DTD1: variants seen among roughly 807,000 people sequenced by gnomAD.
DTD1 encodes D-tyrosyl-tRNA deacylase 1 homolog.
A neutral mutation model predicts 25.6 loss-of-function variants in DTD1; 13 were observed. The observed-to-expected ratio is 0.51, with a 90% confidence interval of 0.33 to 0.81. The LOEUF is 0.81. Among genes scored for constraint, DTD1 ranks in the 30% least tolerant of loss-of-function variants. DTD1 has a pLI of 0.02. For synonymous variants in DTD1, 110 were observed against 103.6 expected, an observed-to-expected ratio of 1.06 and a Z score of -0.37; for missense variants, 193 against 266.4, an observed-to-expected ratio of 0.72 and a Z score of 1.92.
At chr20:18,706,561 G>A (rs2061127182) in intron 4 of DTD1, among the ~76,000 whole-genome samples, 1 of 152,104 alleles carries the variant, frequency 6.6e-6, no homozygotes, top group South Asian at 2.1e-4. Flanking sequence ...AAGGCAAATT[G>A]GGCCTTCTTT....
intron 4 of DTD1, among the ~76,000 whole-genome samples, chr20:18,708,608 G>A (rs1006634411): frequency 6.6e-6 from 1 of 151,060 alleles, no homozygotes; most frequent in East Asian, 2.0e-4. Context: ...TGCCCGCCTC[G>A]GCCTCCCAAA....
In DTD1 at chr20:18,708,276, TAA is replaced by T. The variant is rs1568676900; in HGVS notation, c.478-35823_478-35822del. Reference sequence around the variant, plus strand: ...ATTATATATATATTTTATATATATATAATATATATTATATATATATAATATAT... The same window carrying T: ...ATTATATATATATTTTATATATATATTATATATTATATATATATAATATAT... On this transcript the variant is annotated intron_variant, in intron 4 of 5. Transcript: ENST00000377452. Among the ~76,000 whole-genome samples, 124 of 13,064 alleles carry T rather than the reference TAA, an allele frequency of 9.5e-3. 6 individuals are homozygous for T. The highest frequency in any genetic ancestry group is 0.015 in the South Asian group (7 of 468). The allele number at this position is 13,064 out of a possible 152,430, so 8.6% of individuals were successfully genotyped here.
chr20:18,640,026 C>G (rs2060822540), intron 4 of DTD1, among the ~76,000 whole-genome samples: 1 of 150,798 alleles, frequency 6.6e-6, no homozygotes, highest in South Asian at 2.1e-4. Flanking sequence ...GAAATCCAGA[C>G]CAGATCTGGC....
intron 4 of DTD1, among the ~76,000 whole-genome samples, chr20:18,686,538 T>C (rs1413478763): frequency 6.6e-6 from 1 of 152,238 alleles, no homozygotes; most frequent in Non-Finnish European, 1.5e-5. Flanking sequence ...CAATATTGTA[T>C]ATGCTTTAAA....
At chr20:18,599,054 A>G (rs1263042021) in intron 3 of DTD1, among the ~76,000 whole-genome samples, 2 of 152,198 alleles carry the variant, frequency 1.3e-5, no homozygotes, top group Admixed American at 1.3e-4. Flanking sequence ...GCACTGAATA[A>G]TGTTCTATAG....
At chr20:18,662,788 A>AAAC (rs1431479467) in intron 4 of DTD1, among the ~76,000 whole-genome samples, 2 of 152,184 alleles carry the variant, frequency 1.3e-5, no homozygotes, top group Non-Finnish European at 2.9e-5. Flanking sequence ...AATAGATATA[A>AAAC]AACAGCCATC....
At chr20:18,738,136 G>T (rs1227915942) in intron 4 of DTD1, among the ~76,000 whole-genome samples, 1 of 152,180 alleles carries the variant, frequency 6.6e-6, no homozygotes, top group Non-Finnish European at 1.5e-5. Context: ...CCTAGAGTAG[G>T]TATAGTCAGT....
chr20:18,648,330 G>A (rs1242738838), intron 4 of DTD1, among the ~76,000 whole-genome samples: 1 of 152,162 alleles, frequency 6.6e-6, no homozygotes, highest in African/African-American at 2.4e-5. Flanking sequence ...TGCATAGGCT[G>A]TACCCCAAGC....
intron 4 of DTD1, chr20:18,643,293 A>C (rs915731583): frequency 5.9e-6 from 2 of 336,764 alleles, no homozygotes; most frequent in Non-Finnish European, 1.2e-5. Flanking sequence ...CCTTGTTGAG[A>C]GTGCGTAGTT....
intron 3 of DTD1, among the ~76,000 whole-genome samples, chr20:18,625,536 G>A (rs2122306079): frequency 6.6e-6 from 1 of 152,274 alleles, no homozygotes; most frequent in African/African-American, 2.4e-5. Context: ...TGTACTTGAG[G>A]TCAGAACCAC....
At chr20:18,689,135 C>T (rs543133321) in intron 4 of DTD1, among the ~76,000 whole-genome samples, 22 of 152,166 alleles carry the variant, frequency 1.4e-4, no homozygotes, top group African/African-American at 2.9e-4. Context: ...CATTCGTTTT[C>T]GGAATAAAGA....
chr20:18,607,264 C>T (rs190503365), intron 3 of DTD1, among the ~76,000 whole-genome samples: 14 of 152,046 alleles, frequency 9.2e-5, no homozygotes, highest in Non-Finnish European at 1.3e-4. Context: ...CGGGTTCAAA[C>T]GATTCTCATA....
At chr20:18,725,824 C>A (rs541158318) in intron 4 of DTD1, among the ~76,000 whole-genome samples, 1 of 152,280 alleles carries the variant, frequency 6.6e-6, no homozygotes, top group East Asian at 1.9e-4. Flanking sequence ...AGATGTCCGA[C>A]AAAAAACCTC....
intron 4 of DTD1, among the ~76,000 whole-genome samples, chr20:18,729,265 C>G (rs1355913081): frequency 6.6e-6 from 1 of 152,216 alleles, no homozygotes; most frequent in Admixed American, 6.5e-5. Flanking sequence ...ATGGCTAAGG[C>G]TTTTATAGAT....
intron 4 of DTD1, among the ~76,000 whole-genome samples, chr20:18,712,579 G>A (rs909908154): frequency 2.0e-5 from 3 of 152,054 alleles, no homozygotes; most frequent in African/African-American, 4.8e-5. Flanking sequence ...ATATGAAAAC[G>A]AAATCTTAAC....
chr20:18,642,190 A>G (rs2060831354), intron 4 of DTD1, among the ~76,000 whole-genome samples: 1 of 152,214 alleles, frequency 6.6e-6, no homozygotes, highest in Non-Finnish European at 1.5e-5. Context: ...AAACAGGGAC[A>G]TTCTCTTATA....
At chr20:18,724,332 A>G (rs984936867) in intron 4 of DTD1, among the ~76,000 whole-genome samples, 2 of 152,118 alleles carry the variant, frequency 1.3e-5, no homozygotes, top group Admixed American at 6.5e-5. Context: ...GGGCAGTGAC[A>G]CCTTTGTGAA....
At chr20:18,589,477 C>A (rs1284000478) in intron 1 of DTD1, among the ~76,000 whole-genome samples, 1 of 152,122 alleles carries the variant, frequency 6.6e-6, no homozygotes, top group Non-Finnish European at 1.5e-5. Flanking sequence ...ATTTTTCAAC[C>A]CCGCCTAATG....
chr20:18,707,689 G>A (rs1015407046), intron 4 of DTD1, among the ~76,000 whole-genome samples: 3 of 152,088 alleles, frequency 2.0e-5, no homozygotes, highest in Non-Finnish European at 2.9e-5. Flanking sequence ...TCTTAGGGCT[G>A]GTTCTTTTCT....
Sources: allele counts gnomAD v4.1 joint callset (sites outside exome capture counted in the v4.1 genomes callset), GRCh38; gene constraint gnomAD v4.1.1; transcripts MANE v1.5; gene names NCBI Gene and HGNC (gene_info 2026-07-23, HGNC 2026-07-21).